FREM2: variants seen among roughly 807,000 people sequenced by gnomAD.
The protein encoded by FREM2 is FRAS1 related extracellular matrix 2.
Under a neutral mutation model 219.9 loss-of-function variants are expected in FREM2, and 119 were observed. The ratio of observed to expected loss-of-function variants is 0.54; its 90% confidence interval spans 0.47 to 0.63. The LOEUF is 0.63. FREM2 is among the 30% of genes least tolerant of loss of function. The pLI is 0.00. For synonymous variants in FREM2, 1,562 were observed against 1,522.8 expected, an observed-to-expected ratio of 1.03 and a Z score of -0.60; for missense variants, 4,030 against 3,993.6, an observed-to-expected ratio of 1.01 and a Z score of -0.25.
intron 6 of FREM2, among the ~76,000 whole-genome samples, chr13:38,843,167 T>C (rs542927795): frequency 4.1e-4 from 62 of 152,272 alleles, no homozygotes; most frequent in African/African-American, 1.4e-3. Context: ...AAGGACTGTT[T>C]TATGGTCTTA....
chr13:38,714,138 G>A (rs1870887319), intron 2 of FREM2, among the ~76,000 whole-genome samples: 1 of 152,228 alleles, frequency 6.6e-6, no homozygotes, highest in South Asian at 2.1e-4. Flanking sequence ...TCATATTTGT[G>A]TCCTGAGCAG....
intron 2 of FREM2, among the ~76,000 whole-genome samples, chr13:38,743,549 C>A (rs1207300037): frequency 6.6e-6 from 1 of 152,026 alleles, no homozygotes; most frequent in Non-Finnish European, 1.5e-5. Flanking sequence ...TTAAAGCAAG[C>A]CCAGAATCTC....
At position 38,790,416 on chromosome 13, in the gene FREM2, C is replaced by T. The variant is rs965743912; in HGVS notation, c.6019+5608C>T. Among the ~76,000 whole-genome samples the T allele has an allele frequency of 7.2e-5, 11 of 151,962 alleles. No homozygotes were observed. In the South Asian group the frequency reaches 8.3e-4, roughly 11 times the overall value. ...AGTATTTCTTACTTTATTGTAAAAC[C>T]TCCATTTAAAAGAGTTTCTATTATA... On this transcript the variant is annotated intron_variant, in intron 6 of 23. Coordinates refer to ENST00000280481, the MANE Select transcript of FREM2 (RefSeq NM_207361.6).
rs998283518 is a variant in FREM2, at chr13:38,689,054, A to G, written c.1710A>G (p.Thr570=). 2.5e-6 allele frequency: 4 copies of G among 1,613,724 alleles called. No individual in the cohort carries two copies. The highest frequency in any genetic ancestry group is 2.7e-5 in the African/African-American group (2 of 75,014). ...PPVLNANTGL[T]LAEGETVPIL... Reference sequence around the variant, plus strand: ...TTCTCAATGCCAACACGGGGCTGACACTGGCAGAGGGTGAAACAGTGCCCA... The same window carrying G: ...TTCTCAATGCCAACACGGGGCTGACGCTGGCAGAGGGTGAAACAGTGCCCA... Residue 570 remains threonine (T), a synonymous_variant, in exon 1 of 24, where the codon ACA becomes ACG. Coordinates refer to ENST00000280481, the MANE Select transcript of FREM2 (RefSeq NM_207361.6).
rs1878200896 is a variant in FREM2 at position 38,872,689 on chromosome 13, G to T, written c.7984-53G>T. 7 of 1,467,334 alleles carry T rather than the reference G, an allele frequency of 4.8e-6. No individual in the cohort carries two copies. In the Admixed American group the frequency reaches 1.0e-4, roughly 21 times the overall value. 90.9% of individuals were successfully genotyped at this position (1,467,334 alleles called of 1,614,324 possible). On this transcript the variant is annotated intron_variant, in intron 16 of 23. Coordinates refer to ENST00000280481, the MANE Select transcript of FREM2 (RefSeq NM_207361.6). ...GAGAAAATGGCTTGTACAAAATTAG[G>T]CCCACTTAGTTAACACTGAGTCATG...
chr13:38,868,967 G>C (rs1046284081), intron 16 of FREM2, among the ~76,000 whole-genome samples: 9 of 152,196 alleles, frequency 5.9e-5, no homozygotes, highest in African/African-American at 2.2e-4. Flanking sequence ...CAGCAAGCCA[G>C]TGCTGACCCA....
chr13:38,687,580 T>C lies in FREM2; in HGVS notation c.236T>C (p.Leu79Pro). 6.2e-7 allele frequency: 1 copy of C among 1,606,420 alleles called. No homozygotes were observed. The highest frequency in any genetic ancestry group is 8.5e-7 in the Non-Finnish European group (1 of 1,176,386). The change falls in exon 1 of 24, where the codon CTC (leucine) becomes CCC (proline). Residue 79 changes from leucine to proline, a missense_variant. Coordinates refer to ENST00000280481, the MANE Select transcript of FREM2 (RefSeq NM_207361.6). ...EEAIVLANRG[L>P]RVPFGREVWL... is the part of the protein sequence containing the mutation. The stretch of plus-strand genomic sequence containing the variant: ...GCCATAGTGCTGGCGAACCGCGGAC[T>C]CCGGGTGCCTTTCGGCCGTGAAGTC...
At chr13:38,835,535 C>A (rs192259578) in intron 6 of FREM2, among the ~76,000 whole-genome samples, 1 of 152,320 alleles carries the variant, frequency 6.6e-6, no homozygotes, top group East Asian at 1.9e-4. Flanking sequence ...TTACTTTGGG[C>A]AGTATGCCCA....
intron 11 of FREM2, among the ~76,000 whole-genome samples, chr13:38,852,702 A>G (rs1332563303): frequency 1.4e-5 from 2 of 144,232 alleles, no homozygotes; most frequent in African/African-American, 5.1e-5. Context: ...CCATGTCACC[A>G]TCTTTTTTTT....
intron 4 of FREM2, among the ~76,000 whole-genome samples, chr13:38,779,214 C>T (rs1874006790): frequency 6.6e-6 from 1 of 151,322 alleles, no homozygotes; most frequent in South Asian, 2.1e-4. Context: ...ACAACACACA[C>T]TGGGGCTTGT....
At chr13:38,735,542 A>G (rs1455895152) in intron 2 of FREM2, among the ~76,000 whole-genome samples, 1 of 152,154 alleles carries the variant, frequency 6.6e-6, no homozygotes, top group African/African-American at 2.4e-5. Flanking sequence ...TGAAATAGTA[A>G]TTACTTGAAT....
intron 2 of FREM2, among the ~76,000 whole-genome samples, chr13:38,701,655 A>C (rs929194126): frequency 2.6e-5 from 4 of 151,980 alleles, no homozygotes; most frequent in Admixed American, 2.6e-4. Flanking sequence ...CTTTATTGTG[A>C]TGTGAAAGCT....
chr13:38,886,008 C>T lies in FREM2; in HGVS notation c.*5221C>T, dbSNP rs1008389434. 9 of 152,186 alleles carry T rather than the reference C, an allele frequency of 5.9e-5. No homozygotes were observed. Among genetic ancestry groups the T allele is most frequent in the Admixed American group, 5.9e-4 (9 of 15,278 alleles). The allele number at this position is 152,186 out of a possible 1,614,324, so 9.4% of individuals were successfully genotyped here. On this transcript the variant is annotated 3_prime_UTR_variant, in exon 24 of 24. Transcript: ENST00000280481. The stretch of plus-strand genomic sequence containing the variant: ...CTTTTACTATGCCAAATGTTGCCTA[C>T]ACTGATTACATGATTGTCACAGTTT...
At chr13:38,797,958 C>T (rs995663276) in intron 6 of FREM2, among the ~76,000 whole-genome samples, 8 of 151,904 alleles carry the variant, frequency 5.3e-5, no homozygotes, top group African/African-American at 1.7e-4. Context: ...GTTTTAATTC[C>T]TTTTCTTTCT....
At chr13:38,704,209 A>G (rs60698466) in intron 2 of FREM2, among the ~76,000 whole-genome samples, 9,427 of 152,200 alleles carry the variant, frequency 0.062, 799 homozygotes, top group African/African-American at 0.19. Flanking sequence ...TTACTCAACA[A>G]ATATTTTTGG....
chr13:38,687,510 C>G lies in FREM2; in HGVS notation c.166C>G (p.Leu56Val). The change falls in exon 1 of 24, where the codon CTG becomes GTG. Residue 56 changes from leucine (L) to valine (V), a missense_variant. Leu to Val is a conservative substitution (Grantham distance 32). Transcript: ENST00000280481. ...AQPAAFGRALLSPGLAGAAGV... is the reference protein window; with the variant it reads ...AQPAAFGRALVSPGLAGAAGV... ...GCCCGCTGCCTTCGGCAGGGCGTTG[C>G]TGTCCCCTGGTCTCGCGGGGGCTGC... 1.3e-6 allele frequency: 2 copies of G among 1,597,220 alleles called. No homozygotes were observed. The highest frequency in any genetic ancestry group is 8.5e-7 in the Non-Finnish European group (1 of 1,172,530).
chr13:38,824,104 C>T (rs947571544), intron 6 of FREM2, among the ~76,000 whole-genome samples: 4 of 151,916 alleles, frequency 2.6e-5, no homozygotes, highest in Non-Finnish European at 4.4e-5. Flanking sequence ...GATCAAATAC[C>T]GGTGCTTGTG....
chr13:38,691,542 G>A lies in FREM2; in HGVS notation c.4198G>A (p.Asp1400Asn). The change falls in exon 1 of 24, where the codon GAT becomes AAT. Residue 1400 changes from aspartate to asparagine, a missense_variant. Around this residue, in one of 2 missense-constraint regions of FREM2, gnomAD observed 3,102 missense variants for 2,950.7 expected, o/e 1.05. Coordinates refer to ENST00000280481, the MANE Select transcript of FREM2 (RefSeq NM_207361.6). ...IRDLIKFDVT[D>N]GINPLIDRYF... ...GGACCTAATTAAATTTGATGTGACT[G>A]ATGGAATAAATCCCCTCATAGATCG... 6.2e-7 allele frequency: 1 copy of A among 1,614,156 alleles called. No homozygotes were observed. Among genetic ancestry groups the A allele is most frequent in the Non-Finnish European group, 8.5e-7 (1 of 1,180,036 alleles).
intron 2 of FREM2, among the ~76,000 whole-genome samples, chr13:38,744,206 T>C (rs1872368559): frequency 6.6e-5 from 1 of 15,052 alleles, no homozygotes; most frequent in Non-Finnish European, 1.5e-4. Context: ...GTAAATCCTT[T>C]TTTTTTTTTT....
Sources: allele counts gnomAD v4.1 joint callset (sites outside exome capture counted in the v4.1 genomes callset), GRCh38; gene constraint gnomAD v4.1.1; regional missense constraint gnomAD v4.1.1; transcripts MANE v1.5; gene names NCBI Gene and HGNC (gene_info 2026-07-23, HGNC 2026-07-21).